Variants in EXOC6B observed in about 807,000 individuals in gnomAD.
EXOC6B encodes exocyst complex component 6B, also known as SEC15 homolog B.
Under a neutral mutation model 113.5 loss-of-function variants are expected in EXOC6B, and 54 were observed. The observed-to-expected ratio is 0.48, with a 90% confidence interval of 0.38 to 0.60. EXOC6B has a LOEUF of 0.60. EXOC6B is among the 20% of genes least tolerant of loss of function. EXOC6B has a pLI of 0.00. For synonymous variants in EXOC6B, 357 were observed against 339.0 expected (o/e 1.05, Z -0.58); for missense variants, 797 against 977.5 (o/e 0.82, Z 2.46).
intron 6 of EXOC6B, among the ~76,000 whole-genome samples, chr2:72,609,090 G>A (rs1670912072): frequency 1.3e-5 from 2 of 152,042 alleles, no homozygotes; most frequent in Non-Finnish European, 2.9e-5. Context: ...TTATAATTGA[G>A]TAAGCACTAT....
At chr2:72,532,796 A>G (rs994701497) in intron 8 of EXOC6B, among the ~76,000 whole-genome samples, 1 of 152,098 alleles carries the variant, frequency 6.6e-6, no homozygotes, top group African/African-American at 2.4e-5. Context: ...TGACAGAGCG[A>G]GACTCCATCT....
At chr2:72,806,297 G>C (rs1030541861) in intron 1 of EXOC6B, among the ~76,000 whole-genome samples, 8 of 152,150 alleles carry the variant, frequency 5.3e-5, no homozygotes, top group African/African-American at 1.7e-4. Context: ...TCCTGTTCCT[G>C]TGTTAATTTG....
chr2:72,793,741 A>G (rs1684804608), intron 1 of EXOC6B, among the ~76,000 whole-genome samples: 1 of 152,200 alleles, frequency 6.6e-6, no homozygotes. Flanking sequence ...AGGAAAAACG[A>G]TTAAAGGGGA....
chr2:72,292,681 C>T (rs1233266289), intron 20 of EXOC6B, among the ~76,000 whole-genome samples: 1 of 152,130 alleles, frequency 6.6e-6, no homozygotes, highest in Admixed American at 6.5e-5. Context: ...TACTACTAGT[C>T]ACAACTTCTT....
chr2:72,262,753 AC>A (rs1441329296), intron 20 of EXOC6B, among the ~76,000 whole-genome samples: 2 of 152,090 alleles, frequency 1.3e-5, no homozygotes, highest in Non-Finnish European at 2.9e-5. Flanking sequence ...TATCTTTCCC[AC>A]CTCCCACAAG....
intron 8 of EXOC6B, among the ~76,000 whole-genome samples, chr2:72,551,987 GTT>G (rs1326693234): frequency 1.6e-4 from 1 of 6,438 alleles, no homozygotes; most frequent in Non-Finnish European, 1.1e-3. Context: ...TTCAGTAAGT[GTT>G]TTTTTAAACA....
chr2:72,396,883 T>C (rs1692760550), intron 18 of EXOC6B, among the ~76,000 whole-genome samples: 1 of 152,086 alleles, frequency 6.6e-6, no homozygotes, highest in Non-Finnish European at 1.5e-5. Flanking sequence ...CAGGTGATGC[T>C]AGATATTTAT....
At chr2:72,744,951 T>C (rs1681600635) in intron 1 of EXOC6B, among the ~76,000 whole-genome samples, 1 of 152,186 alleles carries the variant, frequency 6.6e-6, no homozygotes, top group Non-Finnish European at 1.5e-5. Flanking sequence ...GCACTGTAAT[T>C]AGCTTGCTAT....
chr2:72,405,714 G>A (rs917065246), intron 18 of EXOC6B, among the ~76,000 whole-genome samples: 1 of 152,162 alleles, frequency 6.6e-6, no homozygotes, highest in Non-Finnish European at 1.5e-5. Flanking sequence ...ACTAAACATG[G>A]AAAGGAACAA....
chr2:72,392,240 G>C (rs1692431840), intron 18 of EXOC6B, among the ~76,000 whole-genome samples: 1 of 152,064 alleles, frequency 6.6e-6, no homozygotes, highest in South Asian at 2.1e-4. Flanking sequence ...CTTACCCTTG[G>C]CCTTGGTCAA....
At chr2:72,730,911 AT>A in intron 5 of EXOC6B, 95 bp downstream of exon 5, 1 of 819,190 alleles carries the variant, frequency 1.2e-6, no homozygotes, top group Non-Finnish European at 1.9e-6. Context: ...TAGAAACTTA[AT>A]TTTTTGAAAA....
At chr2:72,615,720 C>G (rs935012391) in intron 6 of EXOC6B, among the ~76,000 whole-genome samples, 2 of 151,760 alleles carry the variant, frequency 1.3e-5, no homozygotes. Flanking sequence ...CTATACTATA[C>G]TTTTTATCAT....
At chr2:72,246,568 C>T (rs182493831) in intron 20 of EXOC6B, among the ~76,000 whole-genome samples, 5 of 145,180 alleles carry the variant, frequency 3.4e-5, no homozygotes, top group African/African-American at 7.9e-5. Flanking sequence ...AGTGCAGTGG[C>T]GCAATCTCAG....
Position 72,178,042 on chromosome 2 carries a change from G to A in EXOC6B, c.*1293C>T, listed in dbSNP as rs1677844978. 1.3e-5 allele frequency: 2 copies of A among 152,200 alleles called. No homozygotes were observed. Among genetic ancestry groups the A allele is most frequent in the East Asian group, 1.9e-4 (1 of 5,194 alleles). 9.4% of individuals were successfully genotyped at this position (152,200 alleles called of 1,614,324 possible). ...TAAGCTGCTCCAGGCTTTAGAGTTT[G>A]GAGGACAGGATTATAGGCAATCTTT... is the stretch of plus-strand genomic sequence containing the variant. On this transcript the variant is annotated 3_prime_UTR_variant, in exon 22 of 22. Transcript: ENST00000272427.
At position 72,823,481 on chromosome 2, in the gene EXOC6B, A is replaced by C. The variant is rs1270958256; in HGVS notation, c.113+2317T>G. On this transcript the variant is annotated intron_variant, in intron 1 of 21. Coordinates refer to ENST00000272427, the MANE Select transcript of EXOC6B (RefSeq NM_015189.3). Reference sequence around the variant, plus strand: ...TAAGAAAAAAAAAAAAAAAAAAACAAAAAACAAAAAAAAAGACAGTGGCCA... The same window carrying C: ...TAAGAAAAAAAAAAAAAAAAAAACACAAAACAAAAAAAAAGACAGTGGCCA... Among the ~76,000 whole-genome samples the C allele has an allele frequency of 4.4e-3, 631 of 142,280 alleles. 24 individuals carry two copies. The highest frequency in any genetic ancestry group is 0.016 in the African/African-American group (595 of 36,626). 93.3% of individuals were successfully genotyped at this position (142,280 alleles called of 152,430 possible).
chr2:72,552,055 C>A (rs1487697305), intron 8 of EXOC6B, among the ~76,000 whole-genome samples: 2 of 152,100 alleles, frequency 1.3e-5, no homozygotes, highest in African/African-American at 4.8e-5. Flanking sequence ...GTACTAGATT[C>A]TTTAGTTACC....
At chr2:72,650,748 A>G (rs1674106149) in intron 6 of EXOC6B, among the ~76,000 whole-genome samples, 1 of 152,186 alleles carries the variant, frequency 6.6e-6, no homozygotes, top group Admixed American at 6.5e-5. Context: ...TACAATTCCT[A>G]TCAGAATGGC....
At chr2:72,479,018 G>A (rs1425278424) in intron 17 of EXOC6B, among the ~76,000 whole-genome samples, 1 of 152,138 alleles carries the variant, frequency 6.6e-6, no homozygotes, top group Non-Finnish European at 1.5e-5. Context: ...AGGTCATTCT[G>A]AAGCTCTGAA....
intron 18 of EXOC6B, among the ~76,000 whole-genome samples, chr2:72,456,857 A>G (rs1697267640): frequency 2.0e-5 from 3 of 152,142 alleles, no homozygotes; most frequent in Admixed American, 2.0e-4. Context: ...GCCATTTTAA[A>G]AAGTGCCACA....
Sources: gnomAD v4.1 joint callset for allele counts (sites outside exome capture counted in the v4.1 genomes callset) on GRCh38, gnomAD v4.1.1 for gene constraint, MANE v1.5 for transcripts, NCBI Gene and HGNC (gene_info 2026-07-23, HGNC 2026-07-21) for gene names.